RESF1: variants seen among roughly 807,000 people sequenced by gnomAD.
The protein encoded by RESF1 is gonad expressed transcript.
RESF1 carries 65 observed loss-of-function variants against 134.7 expected under a neutral mutation model. The ratio of observed to expected loss-of-function variants is 0.48; its 90% CI spans 0.40 to 0.59. RESF1 has a LOEUF of 0.59. Among genes scored for constraint, RESF1 ranks in the 20% least tolerant of loss-of-function variants. The pLI is 0.00. For missense variants in RESF1, 2,274 were observed against 2,002.7 expected (o/e 1.14, Z -2.59); for synonymous variants, 762 against 702.2 (o/e 1.09, Z -1.35).
chr12:31,959,459 C>T lies in RESF1; in HGVS notation c.-374C>T, dbSNP rs1592246011. 1 of 152,412 alleles carries T rather than the reference C, an allele frequency of 6.6e-6. No homozygotes were observed. Among genetic ancestry groups the T allele is most frequent in the African/African-American group, 2.4e-5 (1 of 41,472 alleles). The allele number at this position is 152,412 out of a possible 1,614,324, so 9.4% of individuals were successfully genotyped here. On this transcript the variant is annotated 5_prime_UTR_variant, in exon 1 of 6. Transcript: ENST00000312561. Reference sequence around the variant, plus strand: ...GCCCGGGAGGCCGCCGGTTTTCTCCCCGCTTGCCGGGGTGGTCCTCTTCCC... The same window carrying T: ...GCCCGGGAGGCCGCCGGTTTTCTCCTCGCTTGCCGGGGTGGTCCTCTTCCC...
intron 5 of RESF1, among the ~76,000 whole-genome samples, chr12:31,988,172 G>A (rs933882706): frequency 6.6e-6 from 1 of 152,108 alleles, no homozygotes; most frequent in Non-Finnish European, 1.5e-5. Context: ...ATAGATGAGA[G>A]GTTACATCAT....
intron 1 of RESF1, among the ~76,000 whole-genome samples, chr12:31,960,112 A>G (rs530617094): frequency 7.9e-5 from 12 of 152,072 alleles, no homozygotes; most frequent in Non-Finnish European, 1.0e-4. Flanking sequence ...TTCCTCAGCA[A>G]TAGTTCCTTG....
chr12:31,987,470 G>A (rs1940002803), intron 5 of RESF1, 148 bp downstream of exon 5: 1 of 566,914 alleles, frequency 1.8e-6, no homozygotes, highest in Admixed American at 3.4e-5. Flanking sequence ...TTGAGTGGTA[G>A]GAGGACATTT....
intron 3 of RESF1, among the ~76,000 whole-genome samples, chr12:31,978,786 C>A (rs1939697552): frequency 6.8e-6 from 1 of 147,862 alleles, no homozygotes; most frequent in Non-Finnish European, 1.5e-5. Context: ...TGGTCTCCAT[C>A]TCCTGACCTC....
chr12:31,990,987 G>C (rs1293890854), intron 5 of RESF1, among the ~76,000 whole-genome samples: 5 of 152,148 alleles, frequency 3.3e-5, no homozygotes, highest in Non-Finnish European at 7.4e-5. Flanking sequence ...TTGAGCCCAG[G>C]AGTTTGAGAC....
At chr12:31,973,613 G>A (rs140802993) in intron 3 of RESF1, among the ~76,000 whole-genome samples, 13 of 152,030 alleles carry the variant, frequency 8.6e-5, no homozygotes, top group Non-Finnish European at 1.8e-4. Flanking sequence ...TTCAATTTAG[G>A]TCGTTCCGGA....
In RESF1 at chr12:31,984,219, A is replaced by C; in HGVS notation, c.3264A>C (p.Gln1088His). The C allele has an allele frequency of 6.2e-7, 1 of 1,614,058 alleles. No individual in the cohort carries two copies. The highest frequency in any genetic ancestry group is 1.3e-5 in the African/African-American group (1 of 75,060). ...CTACATACCAGACCTCAGAAGATCA[A>C]ACTGCTGATAAAACCAGTTCTGACT... ...QQTTYQTSED[Q>H]TADKTSSDSK... is the part of the protein sequence containing the mutation. Residue 1088 changes from glutamine to histidine, a missense_variant, in exon 4 of 6, where the codon CAA (glutamine) becomes CAC (histidine). By Grantham distance (24) the Gln-to-His change is conservative (BLOSUM62 0). Transcript: ENST00000312561.
intron 5 of RESF1, among the ~76,000 whole-genome samples, chr12:31,987,797 G>A (rs539523849): frequency 8.6e-5 from 13 of 151,988 alleles, no homozygotes; most frequent in Admixed American, 2.6e-4. Flanking sequence ...GTGCAGTGGC[G>A]TCATCTTGGC....
At position 31,970,321 on chromosome 12, in the gene RESF1, A is replaced by G. The variant is rs974786852; in HGVS notation, c.-114A>G. The G allele has an allele frequency of 3.3e-5, 5 of 152,234 alleles. No homozygotes were observed. Among genetic ancestry groups the G allele is most frequent in the Non-Finnish European group, 5.9e-5 (4 of 68,040 alleles). 9.4% of individuals were successfully genotyped at this position (152,234 alleles called of 1,614,324 possible). A position where few individuals can be genotyped will look rare whatever the true frequency, so the allele number is the denominator to read the frequency against. ...GAAGCAGAATTATACCTAGAAGTCTACTAATGGACAGTTAGTCACCCACCT... is the reference window on the plus strand; with the variant it reads ...GAAGCAGAATTATACCTAGAAGTCTGCTAATGGACAGTTAGTCACCCACCT... On this transcript the variant is annotated 5_prime_UTR_variant, in exon 3 of 6. Coordinates refer to ENST00000312561, the MANE Select transcript of RESF1 (RefSeq NM_018169.4).
chr12:31,984,513 C>G lies in RESF1; in HGVS notation c.3558C>G (p.Pro1186=). Residue 1186 remains proline (P), a synonymous_variant, in exon 4 of 6, where the codon CCC becomes CCG. Transcript: ENST00000312561. ...GWLSMVYEGV[P]QCQCNSIKNS... is the part of the protein sequence containing the mutation. ...TCTCCATGGTTTACGAAGGAGTACC[C>G]CAGTGTCAGTGTAATTCCATCAAGA... 1 of 1,605,194 alleles carries G rather than the reference C, an allele frequency of 6.2e-7. No individual in the cohort carries two copies. The highest frequency in any genetic ancestry group is 8.5e-7 in the Non-Finnish European group (1 of 1,174,498).
At chr12:31,977,405 C>G (rs1270245677) in intron 3 of RESF1, among the ~76,000 whole-genome samples, 1 of 152,138 alleles carries the variant, frequency 6.6e-6, no homozygotes, top group Non-Finnish European at 1.5e-5. Context: ...AGGTTGGTCT[C>G]AAACTTCTGA....
At chr12:31,975,257 T>G (rs1021589160) in intron 3 of RESF1, among the ~76,000 whole-genome samples, 1 of 151,804 alleles carries the variant, frequency 6.6e-6, no homozygotes, top group African/African-American at 2.4e-5. Context: ...AGAGCGAGAC[T>G]CCATCTGAAA....
intron 2 of RESF1, among the ~76,000 whole-genome samples, chr12:31,967,879 A>T (rs1267278785): frequency 1.3e-5 from 2 of 152,156 alleles, no homozygotes. Flanking sequence ...ATTAAGTCAT[A>T]CCATTGTATT....
rs1193992169 is a variant in RESF1, at chr12:31,960,806, G to A, written c.-312G>A. On this transcript the variant is annotated 5_prime_UTR_variant, in exon 2 of 6. Coordinates refer to ENST00000312561, the MANE Select transcript of RESF1 (RefSeq NM_018169.4). ...AAAGAAGTAAACACTGTGTGGAGAG[G>A]GACTGACGTGTTTGGAGGGAAATGG... 6.6e-6 allele frequency: 1 copy of A among 152,168 alleles called. No individual in the cohort carries two copies. The highest frequency in any genetic ancestry group is 2.4e-5 in the African/African-American group (1 of 41,438). The allele number at this position is 152,168 out of a possible 1,614,324, so 9.4% of individuals were successfully genotyped here.
chr12:31,960,111 A>G (rs1297139812), intron 1 of RESF1, among the ~76,000 whole-genome samples: 1 of 152,076 alleles, frequency 6.6e-6, no homozygotes, highest in East Asian at 1.9e-4. Context: ...GTTCCTCAGC[A>G]ATAGTTCCTT....
In RESF1 at chr12:31,982,972, C is replaced by G; in HGVS notation, c.2017C>G (p.Leu673Val). Reference sequence around the variant, plus strand: ...TGACAGTAGCTGTTCCATGGAAGTGCTAGCAACCTGTCTTTCCCTGTGGAA... The same window carrying G: ...TGACAGTAGCTGTTCCATGGAAGTGGTAGCAACCTGTCTTTCCCTGTGGAA... ...KSDSSCSMEV[L>V]ATCLSLWKKQ... Residue 673 changes from leucine (L) to valine (V), a missense_variant, in exon 4 of 6, where the codon CTA becomes GTA. Physicochemically the swap from Leu to Val is conservative, Grantham distance 32. Transcript: ENST00000312561. The G allele has an allele frequency of 6.2e-7, 1 of 1,614,106 alleles. No homozygotes were observed. The highest frequency in any genetic ancestry group is 8.5e-7 in the Non-Finnish European group (1 of 1,180,006).
intron 4 of RESF1, among the ~76,000 whole-genome samples, chr12:31,986,182 C>G (rs569533834): frequency 4.6e-5 from 7 of 152,190 alleles, no homozygotes; most frequent in African/African-American, 1.4e-4. Flanking sequence ...GTCGTCATGA[C>G]GAGCTATATG....
intron 3 of RESF1, among the ~76,000 whole-genome samples, chr12:31,979,558 A>G (rs1565842622): frequency 6.6e-6 from 1 of 152,042 alleles, no homozygotes; most frequent in Non-Finnish European, 1.5e-5. Flanking sequence ...TTTTTTAAAA[A>G]AAACAGCCTT....
chr12:31,986,634 G>A (rs1939976709), intron 4 of RESF1, among the ~76,000 whole-genome samples: 1 of 152,174 alleles, frequency 6.6e-6, no homozygotes, highest in Non-Finnish European at 1.5e-5. Flanking sequence ...GTGCAGGAAG[G>A]AAGGAGAAAA....
Sources: gnomAD v4.1 joint callset for allele counts (sites outside exome capture counted in the v4.1 genomes callset) on GRCh38, gnomAD v4.1.1 for gene constraint, MANE v1.5 for transcripts, NCBI Gene and HGNC (gene_info 2026-07-23, HGNC 2026-07-21) for gene names.